The following DESI2 variants were observed in gnomAD, a reference collection of about 807,000 sequenced individuals.
The protein encoded by DESI2 is deubiquitinase DESI2.
DESI2 carries 10 observed loss-of-function variants against 24.1 expected under a neutral mutation model. The ratio of observed to expected loss-of-function variants is 0.41; its 90% CI spans 0.26 to 0.70. DESI2 has a LOEUF of 0.70. DESI2 is among the 30% of genes least tolerant of loss of function. The probability of loss-of-function intolerance (pLI) is 0.29; values close to 1 mark genes in which losing one functional copy is unlikely to be tolerated. For missense variants in DESI2, 122 were observed against 234.9 expected (o/e 0.52, Z 3.14); for synonymous variants, 71 against 87.7 (o/e 0.81, Z 1.06).
At chr1:244,690,089 C>CT (rs1393110923) in intron 3 of DESI2, among the ~76,000 whole-genome samples, 1 of 152,022 alleles carries the variant, frequency 6.6e-6, no homozygotes. Context: ...TTTATTTATA[C>CT]TTTAAGTTCT....
At chr1:244,673,833 C>A (rs1197960905) in intron 1 of DESI2, among the ~76,000 whole-genome samples, 1 of 152,074 alleles carries the variant, frequency 6.6e-6, no homozygotes, top group Admixed American at 6.5e-5. Flanking sequence ...CCGAATTATT[C>A]TTTAAGGAGC....
chr1:244,704,159 CGTT>C (rs1221140807), intron 4 of DESI2, among the ~76,000 whole-genome samples: 2 of 152,102 alleles, frequency 1.3e-5, no homozygotes, highest in Admixed American at 6.6e-5. Flanking sequence ...AAAAGGTACA[CGTT>C]GTATAATTAT....
chr1:244,660,352 G>A (rs1231749531), intron 1 of DESI2, among the ~76,000 whole-genome samples: 1 of 152,134 alleles, frequency 6.6e-6, no homozygotes, highest in African/African-American at 2.4e-5. Context: ...ATTTTTAGTA[G>A]AGGCAGGGTT....
chr1:244,689,371 C>A lies in DESI2; in HGVS notation c.209+29C>A. The A allele has an allele frequency of 9.4e-7, 1 of 1,060,898 alleles. No homozygotes were observed. The highest frequency in any genetic ancestry group is 1.5e-6 in the Non-Finnish European group (1 of 676,706). The allele number at this position is 1,060,898 out of a possible 1,614,324, so 65.7% of individuals were successfully genotyped here. Reference sequence around the variant, plus strand: ...AGTAGGGAGGATAATTTTTATTACACTGTCTTAGGTGCCATAGCTTGTTTT... The same window carrying A: ...AGTAGGGAGGATAATTTTTATTACAATGTCTTAGGTGCCATAGCTTGTTTT... On this transcript the variant is annotated intron_variant, in intron 3 of 4. Coordinates refer to ENST00000302550, the MANE Select transcript of DESI2 (RefSeq NM_016076.5). The surrounding 1 kb of genome is among the most constrained non-coding windows in gnomAD (Gnocchi z 4.0).
rs764293803 is a variant in DESI2 at position 244,689,376 on chromosome 1, T to C, written c.209+34T>C. On this transcript the variant is annotated intron_variant, in intron 3 of 4. Coordinates refer to ENST00000302550, the MANE Select transcript of DESI2 (RefSeq NM_016076.5). The surrounding 1 kb of genome is among the most constrained non-coding windows in gnomAD (Gnocchi z 4.0). ...GGAGGATAATTTTTATTACACTGTCTTAGGTGCCATAGCTTGTTTTCAGGT... is the reference window on the plus strand; with the variant it reads ...GGAGGATAATTTTTATTACACTGTCCTAGGTGCCATAGCTTGTTTTCAGGT... The C allele has an allele frequency of 1.3e-5, 13 of 988,322 alleles. No individual in the cohort carries two copies. In the Admixed American group the frequency reaches 2.4e-4, roughly 18 times the overall value. The allele number at this position is 988,322 out of a possible 1,614,324, so 61.2% of individuals were successfully genotyped here.
chr1:244,659,623 T>C (rs1169265991), intron 1 of DESI2, among the ~76,000 whole-genome samples: 1 of 152,330 alleles, frequency 6.6e-6, no homozygotes, highest in Middle Eastern at 3.4e-3. Flanking sequence ...CCTCCACATC[T>C]GTCCTACCTC....
At chr1:244,693,976 A>G (rs533118969) in intron 4 of DESI2, among the ~76,000 whole-genome samples, 4 of 152,246 alleles carry the variant, frequency 2.6e-5, no homozygotes, top group Non-Finnish European at 5.9e-5. Flanking sequence ...CAAGCAAATT[A>G]ATATTAGGCA....
At chr1:244,701,441 AAGAGAC>A (rs1677459075) in intron 4 of DESI2, among the ~76,000 whole-genome samples, 1 of 152,176 alleles carries the variant, frequency 6.6e-6, no homozygotes, top group African/African-American at 2.4e-5. Flanking sequence ...CTTGGACTGA[AAGAGAC>A]AGAGAGGGGA....
At chr1:244,695,123 T>C (rs983764608) in intron 4 of DESI2, among the ~76,000 whole-genome samples, 1 of 152,180 alleles carries the variant, frequency 6.6e-6, no homozygotes, top group African/African-American at 2.4e-5. Context: ...GCCAGCTCCC[T>C]TTATGGTTTC....
chr1:244,682,902 A>G (rs1199105398), intron 1 of DESI2, among the ~76,000 whole-genome samples: 1 of 152,096 alleles, frequency 6.6e-6, no homozygotes, highest in Non-Finnish European at 1.5e-5. Context: ...ACAGTAAGGC[A>G]AACTCTTTTC....
intron 1 of DESI2, among the ~76,000 whole-genome samples, chr1:244,661,655 C>T (rs1368615015): frequency 4.0e-5 from 6 of 151,510 alleles, no homozygotes; most frequent in African/African-American, 9.7e-5. Flanking sequence ...TGAGAACATG[C>T]GGTGTTTGGT....
intron 1 of DESI2, among the ~76,000 whole-genome samples, chr1:244,659,643 A>C (rs1008144876): frequency 6.6e-6 from 1 of 152,136 alleles, no homozygotes; most frequent in Non-Finnish European, 1.5e-5. Flanking sequence ...CCAGCCACAG[A>C]AAGTTTTCTG....
chr1:244,670,255 C>T (rs895215605), intron 1 of DESI2, among the ~76,000 whole-genome samples: 3 of 152,228 alleles, frequency 2.0e-5, no homozygotes, highest in Non-Finnish European at 4.4e-5. Context: ...CCACACCCGG[C>T]AGAATATAAA....
intron 1 of DESI2, among the ~76,000 whole-genome samples, chr1:244,674,802 A>G (rs1375016000): frequency 1.3e-5 from 2 of 152,244 alleles, no homozygotes; most frequent in African/African-American, 4.8e-5. Flanking sequence ...GGCTATTACA[A>G]GTAATGCTGC....
intron 1 of DESI2, among the ~76,000 whole-genome samples, chr1:244,655,358 G>A (rs1308458108): frequency 6.6e-6 from 1 of 152,166 alleles, no homozygotes; most frequent in African/African-American, 2.4e-5. Context: ...TTTTGCCTGT[G>A]AACAGGAGAT....
chr1:244,670,632 C>T (rs887084624), intron 1 of DESI2, among the ~76,000 whole-genome samples: 1 of 63,176 alleles, frequency 1.6e-5, no homozygotes, highest in African/African-American at 5.5e-5. Flanking sequence ...TAAGTAAGGA[C>T]GTCAAGGGAC....
chr1:244,656,837 C>T (rs901417745), intron 1 of DESI2, among the ~76,000 whole-genome samples: 2 of 152,110 alleles, frequency 1.3e-5, no homozygotes, highest in African/African-American at 2.4e-5. Flanking sequence ...TGCAGTGGTG[C>T]GATCTCGGCT....
chr1:244,692,409 C>T (rs1464387500), intron 4 of DESI2, among the ~76,000 whole-genome samples: 2 of 151,888 alleles, frequency 1.3e-5, no homozygotes, highest in Non-Finnish European at 2.9e-5. Flanking sequence ...TCGTGTCTTC[C>T]ATCTTGAAAT....
chr1:244,654,469 G>A (rs558522442), intron 1 of DESI2, among the ~76,000 whole-genome samples: 5 of 152,224 alleles, frequency 3.3e-5, no homozygotes, highest in Non-Finnish European at 7.3e-5. Context: ...CTTGGGTAGA[G>A]TGGGATTTCT....
Sources: allele counts gnomAD v4.1 joint callset (sites outside exome capture counted in the v4.1 genomes callset), GRCh38; gene constraint gnomAD v4.1.1; non-coding constraint Gnocchi (gnomAD v3.1); transcripts MANE v1.5; gene names NCBI Gene and HGNC (gene_info 2026-07-23, HGNC 2026-07-21).